FAM169A: variants seen among roughly 807,000 people sequenced by gnomAD.
The protein encoded by FAM169A is family with sequence similarity 169 member A.
In FAM169A, 24 loss-of-function variants were observed where a neutral mutation model predicts 75.7. The observed-to-expected ratio is 0.32, with a 90% CI of 0.23 to 0.45. The LOEUF is 0.45. Among genes scored for constraint, FAM169A ranks in the 20% least tolerant of loss-of-function variants. The pLI is 1.00. For synonymous variants in FAM169A, 271 were observed against 271.0 expected, an observed-to-expected ratio of 1.00 and a Z score of 0.00; for missense variants, 673 against 784.0, an observed-to-expected ratio of 0.86 and a Z score of 1.69.
At chr5:74,837,047 C>T (rs1197825031) in intron 4 of FAM169A, among the ~76,000 whole-genome samples, 2 of 152,024 alleles carry the variant, frequency 1.3e-5, no homozygotes, top group African/African-American at 4.8e-5. Context: ...TCCTCTTTTC[C>T]CAATCCATAT....
At chr5:74,834,021 T>C (rs970047294) in intron 5 of FAM169A, among the ~76,000 whole-genome samples, 3 of 152,320 alleles carry the variant, frequency 2.0e-5, no homozygotes, top group Middle Eastern at 3.4e-3. Context: ...GAATGAGGTG[T>C]GCTATGCATA....
chr5:74,858,766 AT>A (rs1749883708), intron 1 of FAM169A, among the ~76,000 whole-genome samples: 1 of 152,148 alleles, frequency 6.6e-6, no homozygotes, highest in South Asian at 2.1e-4. Context: ...GTAAAAAAAA[AT>A]TTGGGTACTT....
intron 11 of FAM169A, among the ~76,000 whole-genome samples, chr5:74,793,132 C>G (rs1349226089): frequency 6.6e-6 from 1 of 152,040 alleles, no homozygotes; most frequent in African/African-American, 2.4e-5. Flanking sequence ...CGAGACCATC[C>G]TGGCCAACAT....
intron 10 of FAM169A, chr5:74,798,946 C>G: frequency 1.1e-6 from 1 of 875,440 alleles, no homozygotes; most frequent in South Asian, 1.3e-5. Context: ...CAAGACCGTC[C>G]GGACTGCCCC....
chr5:74,787,580 TA>T (rs1745759385), intron 11 of FAM169A, among the ~76,000 whole-genome samples: 2 of 152,184 alleles, frequency 1.3e-5, no homozygotes, highest in Non-Finnish European at 2.9e-5. Flanking sequence ...ATGCCAAATC[TA>T]ACAGTGGGAA....
At chr5:74,855,184 T>C (rs1749646116) in intron 1 of FAM169A, among the ~76,000 whole-genome samples, 1 of 152,092 alleles carries the variant, frequency 6.6e-6, no homozygotes, top group Non-Finnish European at 1.5e-5. Flanking sequence ...TCACTGTAGT[T>C]TGTTTTTTGT....
intron 1 of FAM169A, among the ~76,000 whole-genome samples, chr5:74,850,794 G>GT (rs887611724): frequency 4.6e-5 from 7 of 152,030 alleles, no homozygotes; most frequent in Non-Finnish European, 7.4e-5. Context: ...ATAATGCAGT[G>GT]TTTTTTTTAA....
intron 5 of FAM169A, among the ~76,000 whole-genome samples, chr5:74,831,440 T>C (rs1748305534): frequency 6.6e-6 from 1 of 152,066 alleles, no homozygotes; most frequent in Non-Finnish European, 1.5e-5. Context: ...GGTATGCAAA[T>C]GAAAAAGAAT....
intron 1 of FAM169A, among the ~76,000 whole-genome samples, chr5:74,844,384 C>T (rs72764683): frequency 0.15 from 22,232 of 151,746 alleles, 1,880 homozygotes; most frequent in African/African-American, 0.23. Flanking sequence ...ATTACCTGAG[C>T]CCAGGAGTTC....
rs142509303 is a variant in FAM169A at position 74,798,521 on chromosome 5, C to T, written c.1104-2335G>A. On this transcript the variant is annotated intron_variant, in intron 10 of 12. Transcript: ENST00000687041. Reference sequence around the variant, plus strand: ...ATTACAAATTTTCACCAAAACAAAACATTTACATACTTTATTACCCAAATT... The same window carrying T: ...ATTACAAATTTTCACCAAAACAAAATATTTACATACTTTATTACCCAAATT... Among the ~76,000 whole-genome samples the T allele has an allele frequency of 8.5e-5, 13 of 152,234 alleles. No individual in the cohort carries two copies. The East Asian group carries it at 2.5e-3, about 29-fold the overall frequency.
At chr5:74,796,468 C>T (rs534034547) in intron 10 of FAM169A, among the ~76,000 whole-genome samples, 2 of 151,548 alleles carry the variant, frequency 1.3e-5, no homozygotes, top group Non-Finnish European at 2.9e-5. Flanking sequence ...TGCAATGGCG[C>T]GATCTCGGCT....
intron 1 of FAM169A, among the ~76,000 whole-genome samples, chr5:74,855,271 C>A (rs1356918860): frequency 6.6e-6 from 1 of 152,226 alleles, no homozygotes; most frequent in Non-Finnish European, 1.5e-5. Context: ...TCCCAGCTCA[C>A]TGCAGCCTCC....
intron 1 of FAM169A, among the ~76,000 whole-genome samples, chr5:74,857,572 GAAAAAAAAAAAAAAA>G (rs35476827): frequency 0.31 from 17,918 of 57,430 alleles, 1,813 homozygotes; most frequent in Middle Eastern, 0.43. Flanking sequence ...CTTGCCGCGG[GAAAAAAAAAAAAAAA>G]AAAAAAAAAA....
At chr5:74,837,722 T>G (rs1455847274) in intron 4 of FAM169A, among the ~76,000 whole-genome samples, 2 of 152,136 alleles carry the variant, frequency 1.3e-5, no homozygotes, top group African/African-American at 4.8e-5. Flanking sequence ...AAATGAACAG[T>G]AGCTGGAACC....
chr5:74,836,447 A>T (rs150230253), intron 4 of FAM169A, among the ~76,000 whole-genome samples: 4 of 152,222 alleles, frequency 2.6e-5, no homozygotes, highest in Non-Finnish European at 5.9e-5. Context: ...GTCTTGCAGC[A>T]TACTACTGAG....
At chr5:74,826,974 T>C (rs1018348165) in intron 5 of FAM169A, among the ~76,000 whole-genome samples, 5 of 152,192 alleles carry the variant, frequency 3.3e-5, no homozygotes, top group African/African-American at 1.2e-4. Flanking sequence ...TGTCAGTTAC[T>C]TTATAGAATA....
At chr5:74,818,823 A>G (rs1254172724) in intron 5 of FAM169A, among the ~76,000 whole-genome samples, 2 of 149,768 alleles carry the variant, frequency 1.3e-5, no homozygotes, top group Non-Finnish European at 3.0e-5. Context: ...ATATATATAT[A>G]TGTCAAAGCA....
At chr5:74,848,120 T>C (rs1163327274) in intron 1 of FAM169A, among the ~76,000 whole-genome samples, 1 of 152,206 alleles carries the variant, frequency 6.6e-6, no homozygotes, top group East Asian at 1.9e-4. Context: ...GCAAATCTGT[T>C]CTGAAATCCA....
At chr5:74,838,114 CA>C (rs1169194601) in intron 4 of FAM169A, among the ~76,000 whole-genome samples, 968 of 65,524 alleles carry the variant, frequency 0.015, 1 homozygote, top group African/African-American at 0.027. Flanking sequence ...AACTCCATCC[CA>C]AAAAAAAAAA....
Sources: allele counts gnomAD v4.1 joint callset (sites outside exome capture counted in the v4.1 genomes callset), GRCh38; gene constraint gnomAD v4.1.1; transcripts MANE v1.5; gene names NCBI Gene and HGNC (gene_info 2026-07-23, HGNC 2026-07-21).